Variants in AFAP1 observed in about 807,000 individuals in gnomAD.
The protein encoded by AFAP1 is actin filament-associated protein 1.
AFAP1 carries 75 observed loss-of-function variants against 93.9 expected under a neutral mutation model. The observed-to-expected ratio is 0.80, with a 90% confidence interval of 0.66 to 0.97. The LOEUF is 0.97. Among genes scored for constraint, AFAP1 ranks in the 50% least tolerant of loss-of-function variants. AFAP1 has a pLI of 0.00. For synonymous variants in AFAP1, 517 were observed against 430.7 expected (o/e 1.20, Z -2.48); for missense variants, 1,201 against 1,050.8 (o/e 1.14, Z -1.98).
In AFAP1 at chr4:7,766,486, G is replaced by A. The variant is rs184923371; in HGVS notation, c.2418+2358C>T. On this transcript the variant is annotated intron_variant, in intron 17 of 17. Transcript: ENST00000420658. ...AGGTCACACTGGCCACAGAATAAGCGACAGGATGAGAACCTGTATCCTCCA... is the reference window on the plus strand; with the variant it reads ...AGGTCACACTGGCCACAGAATAAGCAACAGGATGAGAACCTGTATCCTCCA... 3.6e-3 allele frequency among the ~76,000 whole-genome samples: 543 copies of A among 152,298 alleles called. 4 individuals are homozygous for A. The highest frequency in any genetic ancestry group is 0.012 in the African/African-American group (512 of 41,564).
chr4:7,869,265 G>A (rs28495226), intron 2 of AFAP1, among the ~76,000 whole-genome samples: 1 of 152,100 alleles, frequency 6.6e-6, no homozygotes, highest in African/African-American at 2.4e-5. Context: ...TGTAAGAAAT[G>A]AATGAAAGCA....
rs1195224120 is a variant in AFAP1 at position 7,781,525 on chromosome 4, T to C, written c.1633A>G (p.Ile545Val). The C allele has an allele frequency of 5.2e-6, 8 of 1,552,212 alleles. No homozygotes were observed. Among genetic ancestry groups the C allele is most frequent in the East Asian group, 2.4e-5 (1 of 40,920 alleles). Residue 545 changes from isoleucine to valine, a missense_variant, in exon 13 of 18, where the codon ATC becomes GTC. Physicochemically the swap from Ile to Val is conservative, Grantham distance 29. Transcript: ENST00000420658. ...TCAGCAGGAGAGTAGCGGGCAAAGA[T>C]GTGCGGAGGCGGCAAGTTATCGTAC... ...GLYDNLPPPH[I>V]FARYSPADRK...
intron 1 of AFAP1, among the ~76,000 whole-genome samples, chr4:7,898,983 T>C (rs752708501): frequency 2.0e-5 from 3 of 149,796 alleles, no homozygotes; most frequent in Admixed American, 6.7e-5. Flanking sequence ...TATACAATGG[T>C]ATTGTATATA....
At chr4:7,819,262 C>A (rs556838088) in intron 6 of AFAP1, 91 bp from the exon 7 acceptor site, 4 of 1,177,110 alleles carry the variant, frequency 3.4e-6, no homozygotes, top group Non-Finnish European at 4.6e-6. Context: ...AGGCACATGG[C>A]GTGGTAGGGA....
At chr4:7,908,127 G>A (rs753569800) in intron 1 of AFAP1, among the ~76,000 whole-genome samples, 19 of 151,916 alleles carry the variant, frequency 1.3e-4, no homozygotes, top group Admixed American at 5.2e-4. Context: ...CACGAGAATC[G>A]CTTGAACCTG....
chr4:7,800,390 A>C (rs1718907972), intron 10 of AFAP1, 52 bp downstream of exon 10: 1 of 1,581,382 alleles, frequency 6.3e-7, no homozygotes, highest in Non-Finnish European at 8.7e-7. Flanking sequence ...TTTGAAAGGA[A>C]GATCACCGCG....
intron 17 of AFAP1, among the ~76,000 whole-genome samples, chr4:7,768,164 G>A (rs989401681): frequency 5.3e-5 from 8 of 152,248 alleles, no homozygotes; most frequent in Admixed American, 1.3e-4. Context: ...GGGCGGGGCC[G>A]GCCACACTCC....
chr4:7,847,182 A>C (rs1368505124), intron 4 of AFAP1, among the ~76,000 whole-genome samples: 2 of 152,210 alleles, frequency 1.3e-5, no homozygotes, highest in African/African-American at 4.8e-5. Flanking sequence ...CTCTCTGGAA[A>C]GTATGCTTAG....
At chr4:7,927,348 G>A (rs959175296) in intron 1 of AFAP1, among the ~76,000 whole-genome samples, 1 of 152,156 alleles carries the variant, frequency 6.6e-6, no homozygotes, top group Non-Finnish European at 1.5e-5. Flanking sequence ...CACTGGCTGT[G>A]TGATGTTGGA....
intron 4 of AFAP1, among the ~76,000 whole-genome samples, chr4:7,852,132 A>C (rs993124484): frequency 6.6e-6 from 1 of 152,174 alleles, no homozygotes; most frequent in Non-Finnish European, 1.5e-5. Context: ...TGGGGGCAAG[A>C]GACTTCAGAG....
At chr4:7,846,285 T>C (rs1325418655) in intron 4 of AFAP1, among the ~76,000 whole-genome samples, 3 of 152,228 alleles carry the variant, frequency 2.0e-5, no homozygotes, top group Non-Finnish European at 2.9e-5. Context: ...TACTCATATT[T>C]TATGCACTTT....
intron 3 of AFAP1, among the ~76,000 whole-genome samples, chr4:7,863,749 G>C (rs1260180162): frequency 6.7e-6 from 1 of 149,690 alleles, no homozygotes; most frequent in Non-Finnish European, 1.5e-5. Flanking sequence ...ACACTAAAAA[G>C]GATAAAAAAG....
At chr4:7,858,790 C>A (rs1361579110) in intron 3 of AFAP1, among the ~76,000 whole-genome samples, 1 of 152,180 alleles carries the variant, frequency 6.6e-6, no homozygotes, top group Non-Finnish European at 1.5e-5. Flanking sequence ...GGCATCGCAT[C>A]AGAACAACCT....
chr4:7,794,399 T>C (rs1718191157), intron 10 of AFAP1, among the ~76,000 whole-genome samples: 1 of 152,260 alleles, frequency 6.6e-6, no homozygotes, highest in African/African-American at 2.4e-5. Context: ...CTGTAATCAC[T>C]GGGCTGCTTT....
chr4:7,843,341 G>C lies in AFAP1; in HGVS notation c.344C>G (p.Ser115Cys). The part of the protein sequence containing the change: ...APEYITSNYD[S>C]DAMSSSYESY... ...CTCATAAGAGCTGCTCATCGCATCGGAATCATAATCTGTAAAAAATAAACA... is the reference window on the plus strand; with the variant it reads ...CTCATAAGAGCTGCTCATCGCATCGCAATCATAATCTGTAAAAAATAAACA... The change falls in exon 5 of 18, where the codon TCC (serine) becomes TGC (cysteine). Residue 115 changes from serine (S) to cysteine (C), a missense_variant. Coordinates refer to ENST00000420658, the MANE Select transcript of AFAP1 (RefSeq NM_001134647.2). 1 of 1,612,520 alleles carries C rather than the reference G, an allele frequency of 6.2e-7. No homozygotes were observed. The highest frequency in any genetic ancestry group is 8.5e-7 in the Non-Finnish European group (1 of 1,179,330).
chr4:7,915,327 T>A (rs538226084), intron 1 of AFAP1, among the ~76,000 whole-genome samples: 3 of 136,224 alleles, frequency 2.2e-5, no homozygotes, highest in Non-Finnish European at 4.6e-5. Context: ...TTTTTCCACA[T>A]ATTTTTTGGC....
intron 15 of AFAP1, 49 bp downstream of exon 15, chr4:7,774,690 G>A: frequency 6.3e-7 from 1 of 1,583,312 alleles, no homozygotes; most frequent in African/African-American, 1.4e-5. Context: ...GAAATCTCCA[G>A]TCTCTAATAC....
intron 6 of AFAP1, among the ~76,000 whole-genome samples, chr4:7,821,460 G>A (rs573105271): frequency 2.0e-4 from 31 of 152,210 alleles, no homozygotes; most frequent in Non-Finnish European, 3.1e-4. Context: ...TTTCCCAGCC[G>A]CCCCCTACAT....
intron 11 of AFAP1, among the ~76,000 whole-genome samples, chr4:7,788,118 A>G (rs973737242): frequency 6.6e-6 from 1 of 152,200 alleles, no homozygotes; most frequent in Non-Finnish European, 1.5e-5. Flanking sequence ...GTCCTCACGC[A>G]GGGGCAGGTG....
Sources: allele counts gnomAD v4.1 joint callset (sites outside exome capture counted in the v4.1 genomes callset), GRCh38; gene constraint gnomAD v4.1.1; transcripts MANE v1.5; gene names NCBI Gene and HGNC (gene_info 2026-07-23, HGNC 2026-07-21).